BCAR1: variants seen among roughly 807,000 people sequenced by gnomAD.
BCAR1 encodes the protein BCAR1 scaffold protein, Cas family member.
In BCAR1, 30 loss-of-function variants were observed where a neutral mutation model predicts 67.6. The ratio of observed to expected loss-of-function variants is 0.44; its 90% CI spans 0.33 to 0.60. BCAR1 has a LOEUF of 0.60. Ranked by LOEUF, BCAR1 falls within the 20% of genes least tolerant of loss-of-function variation. The pLI is 0.02. For synonymous variants in BCAR1, 626 were observed against 556.7 expected, an observed-to-expected ratio of 1.12 and a Z score of -1.75; for missense variants, 1,313 against 1,222.3, an observed-to-expected ratio of 1.07 and a Z score of -1.11.
chr16:75,232,365 G>T (rs560938994), intron 6 of BCAR1, among the ~76,000 whole-genome samples: 6 of 152,220 alleles, frequency 3.9e-5, no homozygotes, highest in African/African-American at 1.4e-4. Context: ...TTGCCATGTT[G>T]ACCAGGCTGG....
Position 75,237,167 on chromosome 16 carries a change from C to T in BCAR1, c.795+16G>A, listed in dbSNP as rs141084800. On this transcript the variant is annotated intron_variant, in intron 3 of 6. Coordinates refer to ENST00000162330, the MANE Select transcript of BCAR1 (RefSeq NM_014567.5). ...TTGCCGCCCTGCCCTCCCACCGCTG[C>T]GCACCCCACACCTACCTCCTGGCCA... is the stretch of plus-strand genomic sequence containing the variant. 3.0e-4 allele frequency: 470 copies of T among 1,544,740 alleles called. 2 individuals carry two copies. The African/African-American group carries it at 5.7e-3, about 19-fold the overall frequency.
rs551231381 is a variant in BCAR1 at position 75,242,605 on chromosome 16, C to T, written c.498G>A (p.Gln166=). ...PFPSPATDLY[Q]VPPGPGGPAQ... ...CAGGGCCTCCAGGCCCTGGGGGCAC[C>T]TGGTACAGGTCTGTGGCCGGGCTGG... Residue 166 remains glutamine (Q), a synonymous_variant, in exon 2 of 7, where the codon CAG becomes CAA. Transcript: ENST00000162330. 1 of 1,498,824 alleles carries T rather than the reference C, an allele frequency of 6.7e-7. No individual in the cohort carries two copies. Among genetic ancestry groups the T allele is most frequent in the Non-Finnish European group, 8.9e-7 (1 of 1,124,852 alleles). 92.8% of individuals were successfully genotyped at this position (1,498,824 alleles called of 1,614,324 possible). A position where few individuals can be genotyped will look rare whatever the true frequency, so the allele number is the denominator to read the frequency against.
chr16:75,236,395 T>G, intron 4 of BCAR1: 1 of 317,946 alleles, frequency 3.1e-6, no homozygotes, highest in Non-Finnish European at 5.8e-6. Flanking sequence ...CATGATTTCA[T>G]CACCATCACC....
At position 75,235,141 on chromosome 16, in the gene BCAR1, C is replaced by A. The variant is rs764961997; in HGVS notation, c.1758G>T (p.Val586=). ...LDRLVACSRA[V]PEDAKQLASF... is the part of the protein sequence containing the mutation. ...AGGCCAGCTGCTTGGCGTCCTCGGG[C>A]ACAGCCCGCGAGCAGGCCACCAGCC... Residue 586 remains valine, a synonymous_variant, in exon 5 of 7, where the codon GTG becomes GTT. Coordinates refer to ENST00000162330, the MANE Select transcript of BCAR1 (RefSeq NM_014567.5). 6.2e-7 allele frequency: 1 copy of A among 1,609,122 alleles called. No homozygotes were observed. The highest frequency in any genetic ancestry group is 1.3e-5 in the African/African-American group (1 of 74,924).
In BCAR1 at chr16:75,228,699, T is replaced by G. The variant is rs1026266032; in HGVS notation, c.*812A>C. The stretch of plus-strand genomic sequence containing the variant: ...CTGCCCTCACTCCAGATGCCAGCTG[T>G]GGGCATGGGCAGGTGCTCACTGTGG... On this transcript the variant is annotated 3_prime_UTR_variant, in exon 7 of 7. Coordinates refer to ENST00000162330, the MANE Select transcript of BCAR1 (RefSeq NM_014567.5). The G allele has an allele frequency of 3.3e-5, 5 of 152,314 alleles. No homozygotes were observed. Among genetic ancestry groups the G allele is most frequent in the Non-Finnish European group, 7.3e-5 (5 of 68,078 alleles). 9.4% of individuals were successfully genotyped at this position (152,314 alleles called of 1,614,324 possible).
At chr16:75,242,297 T>G (rs191489491) in intron 2 of BCAR1, among the ~76,000 whole-genome samples, 173 bp downstream of exon 2, 7 of 152,252 alleles carry the variant, frequency 4.6e-5, no homozygotes. Context: ...ACATCCATCT[T>G]CCCCGGACAA....
exon 1 of BCAR1, chr16:75,267,923 A>G: frequency 6.2e-7 from 1 of 1,602,622 alleles, no homozygotes; most frequent in Non-Finnish European, 8.5e-7. Flanking sequence ...ACTCTGAGGC[A>G]GGGATCCTTG....
intron 1 of BCAR1, among the ~76,000 whole-genome samples, chr16:75,244,777 G>T (rs904755990): frequency 1.3e-5 from 2 of 152,202 alleles, no homozygotes; most frequent in African/African-American, 4.8e-5. Flanking sequence ...GCCAAGGTGA[G>T]CACAAGGGCA....
chr16:75,251,069 A>G, intron 1 of BCAR1: 2 of 744,360 alleles, frequency 2.7e-6, no homozygotes, highest in Non-Finnish European at 1.7e-6. Context: ...CCCACGCCAC[A>G]CCAGCCGGAC....
chr16:75,267,046 T>C (rs900807404), intron 1 of BCAR1, among the ~76,000 whole-genome samples: 6 of 152,166 alleles, frequency 3.9e-5, no homozygotes, highest in Admixed American at 3.9e-4. Context: ...GCAGGCTGAC[T>C]TCCCCCAGCT....
intron 5 of BCAR1, 122 bp from the exon 6 acceptor site, chr16:75,234,057 A>G (rs2076999961): frequency 1.2e-6 from 1 of 847,592 alleles, no homozygotes; most frequent in Non-Finnish European, 1.9e-6. Context: ...GCGCGCACAC[A>G]CACGCACACG....
chr16:75,233,643 A>G (rs1225353798), intron 6 of BCAR1, among the ~76,000 whole-genome samples: 1 of 152,204 alleles, frequency 6.6e-6, no homozygotes, highest in African/African-American at 2.4e-5. Flanking sequence ...TGTCTCCAAC[A>G]ATTACTCTTG....
chr16:75,252,422 G>A (rs915052672), upstream of BCAR1: 149 of 1,448,044 alleles, frequency 1.0e-4, no homozygotes, highest in Non-Finnish European at 1.3e-4. Flanking sequence ...GGAGATAGAA[G>A]GAAGAATCAC....
chr16:75,234,204 C>CACACACACACACA (rs1382794893), intron 5 of BCAR1, among the ~76,000 whole-genome samples: 1 of 99,326 alleles, frequency 1.0e-5, no homozygotes, highest in African/African-American at 4.7e-5. Context: ...CACACACACT[C>CACACACACACACA]CCCCAGGCTG....
intron 1 of BCAR1, among the ~76,000 whole-genome samples, chr16:75,259,748 A>T (rs2077857113): frequency 6.9e-6 from 1 of 144,052 alleles, no homozygotes; most frequent in African/African-American, 2.5e-5. Flanking sequence ...GCTATTTGGG[A>T]GGCTGAGGCA....
intron 1 of BCAR1, chr16:75,263,163 T>G (rs1352153219): frequency 3.1e-6 from 3 of 970,692 alleles, no homozygotes; most frequent in Non-Finnish European, 3.7e-6. Context: ...GGAGCTGGAG[T>G]GGCCACACTC....
chr16:75,236,968 C>A lies in BCAR1; in HGVS notation c.826G>T (p.Gly276Cys), dbSNP rs2077161912. Residue 276 changes from glycine (G) to cysteine (C), a missense_variant, in exon 4 of 7, where the codon GGT becomes TGT. Gly to Cys is a radical substitution (Grantham distance 159, BLOSUM62 -3). Coordinates refer to ENST00000162330, the MANE Select transcript of BCAR1 (RefSeq NM_014567.5). ...VYDTPPMAVK[G>C]PNGRDPLLEV... ...AGCAACGGGTCTCGGCCATTGGGACCCTTGACAGCCATGGGGGGTGTGTCA... is the reference window on the plus strand; with the variant it reads ...AGCAACGGGTCTCGGCCATTGGGACACTTGACAGCCATGGGGGGTGTGTCA... 5 of 1,609,290 alleles carry A rather than the reference C, an allele frequency of 3.1e-6. No homozygotes were observed. In the South Asian group the frequency reaches 5.6e-5, roughly 18 times the overall value.
chr16:75,260,286 A>T (rs1211258380), intron 1 of BCAR1, among the ~76,000 whole-genome samples: 2 of 152,178 alleles, frequency 1.3e-5, no homozygotes, highest in Admixed American at 1.3e-4. Flanking sequence ...AGCCAGGGTG[A>T]TAGAGACATT....
chr16:75,232,170 AT>A (rs958569180), intron 6 of BCAR1, among the ~76,000 whole-genome samples: 7 of 133,608 alleles, frequency 5.2e-5, no homozygotes, highest in African/African-American at 2.0e-4. Context: ...ATTTTATTTT[AT>A]TTTTTTTGAG....
Sources: gnomAD v4.1 joint callset for allele counts (sites outside exome capture counted in the v4.1 genomes callset) on GRCh38, gnomAD v4.1.1 for gene constraint, MANE v1.5 for transcripts, NCBI Gene and HGNC (gene_info 2026-07-23, HGNC 2026-07-21) for gene names.